RTL4: variants seen among roughly 807,000 people sequenced by gnomAD.
RTL4 encodes retrotransposon Gag like 4.
Under a neutral mutation model 5.3 loss-of-function variants are expected in RTL4, and 4 were observed. The observed-to-expected ratio is 0.75, with a 90% confidence interval of 0.37 to 1.72. RTL4 has a LOEUF of 1.72. Among genes scored for constraint, RTL4 ranks in the 40% most tolerant of loss-of-function variants. The pLI is 0.04. For synonymous variants in RTL4, 98 were observed against 87.3 expected (o/e 1.12, Z -0.68); for missense variants, 260 against 227.1 (o/e 1.14, Z -0.93).
the RTL4 span, among the ~76,000 whole-genome samples, chrX:112,204,233 A>G: frequency 2.7e-5 from 3 of 112,469 alleles, no homozygotes; most frequent in African/African-American, 9.7e-5. Flanking sequence ...GTGGGAATGT[A>G]CAACCACTAT....
At chrX:112,433,207 C>T in the RTL4 span, among the ~76,000 whole-genome samples, 11 of 111,024 alleles carry the variant, frequency 9.9e-5, no homozygotes, top group African/African-American at 2.6e-4. Context: ...ATTGACTTGG[C>T]GATGCGGGCT....
At chrX:112,366,440 C>A in the RTL4 span, among the ~76,000 whole-genome samples, 3 of 111,411 alleles carry the variant, frequency 2.7e-5, no homozygotes, top group African/African-American at 9.8e-5. Context: ...GCCCCAGTCC[C>A]CTCCCTGCCT....
At chrX:112,153,846 G>A in the RTL4 span, among the ~76,000 whole-genome samples, 354 of 111,184 alleles carry the variant, frequency 3.2e-3, no homozygotes, top group African/African-American at 0.011. Flanking sequence ...AGTTAATTGA[G>A]CTTTTTAGAT....
chrX:112,379,241 G>A, the RTL4 span, among the ~76,000 whole-genome samples: 3 of 112,041 alleles, frequency 2.7e-5, no homozygotes, highest in Non-Finnish European at 5.6e-5. Flanking sequence ...TATCCTATGA[G>A]AATGAAGTGC....
the RTL4 span, among the ~76,000 whole-genome samples, chrX:112,203,834 TAAAAC>T: frequency 8.9e-6 from 1 of 112,369 alleles, no homozygotes. Context: ...AAACACAAAA[TAAAAC>T]AATTCAGGGA....
chrX:112,173,004 TG>T, the RTL4 span, among the ~76,000 whole-genome samples: 7 of 26,056 alleles, frequency 2.7e-4, no homozygotes, highest in East Asian at 8.3e-3. Context: ...TGGGGCCTGT[TG>T]GGGGGGTCGG....
chrX:112,201,973 T>TGTGTGTGTG, the RTL4 span, among the ~76,000 whole-genome samples: 2 of 103,400 alleles, frequency 1.9e-5, no homozygotes, highest in Non-Finnish European at 4.0e-5. Flanking sequence ...TTGTGTGTGT[T>TGTGTGTGTG]TGTGTGTGTG....
At chrX:112,399,890 G>A in the RTL4 span, among the ~76,000 whole-genome samples, 1 of 111,156 alleles carries the variant, frequency 9.0e-6, no homozygotes, top group Admixed American at 9.6e-5. Context: ...TAGTTTGACA[G>A]GTTATTTCAT....
the RTL4 span, among the ~76,000 whole-genome samples, chrX:112,420,349 T>C: frequency 1.8e-5 from 2 of 111,445 alleles, no homozygotes; most frequent in African/African-American, 6.5e-5. Flanking sequence ...AGCCCCTCCT[T>C]CTAACTCATT....
the RTL4 span, among the ~76,000 whole-genome samples, chrX:112,305,432 G>A: frequency 3.7e-5 from 4 of 108,242 alleles, no homozygotes; most frequent in African/African-American, 6.8e-5. Context: ...GTGCCATCTC[G>A]GCTCACTGCA....
chrX:112,455,756 C>A, exon 1 of RTL4: 1 of 846,700 alleles, frequency 1.2e-6, no homozygotes, highest in Non-Finnish European at 1.6e-6. Flanking sequence ...GGAACTGTGA[C>A]ACCACTTTAT....
At chrX:112,129,676 G>A in the RTL4 span, among the ~76,000 whole-genome samples, 1 of 111,730 alleles carries the variant, frequency 9.0e-6, no homozygotes, top group East Asian at 2.8e-4. Flanking sequence ...GCAAGAAAGA[G>A]GCATCCAGAT....
the RTL4 span, among the ~76,000 whole-genome samples, chrX:112,090,796 T>A: frequency 5.4e-5 from 6 of 111,016 alleles, no homozygotes; most frequent in African/African-American, 2.0e-4. Flanking sequence ...CCTATTAAAA[T>A]TTTTTTAGAA....
chrX:112,169,082 TCTTTTCTTTC>T, the RTL4 span, among the ~76,000 whole-genome samples: 4,288 of 44,513 alleles, frequency 0.096, 178 homozygotes, highest in East Asian at 0.16. Flanking sequence ...TTTCTTTCTT[TCTTTTCTTTC>T]TTTCTTTCTT....
chrX:112,298,009 T>C, the RTL4 span, among the ~76,000 whole-genome samples: 1 of 111,416 alleles, frequency 9.0e-6, no homozygotes, highest in African/African-American at 3.3e-5. Flanking sequence ...AGAAACATGC[T>C]TATTGGTTGG....
chrX:112,321,921 T>C, the RTL4 span, among the ~76,000 whole-genome samples: 1,649 of 112,024 alleles, frequency 0.015, 22 homozygotes, highest in African/African-American at 0.05. Flanking sequence ...ATGTACCCCA[T>C]ACATTTGTAC....
At chrX:112,179,106 G>A in the RTL4 span, among the ~76,000 whole-genome samples, 1 of 111,601 alleles carries the variant, frequency 9.0e-6, no homozygotes, top group Non-Finnish European at 1.9e-5. Flanking sequence ...CACATTACAG[G>A]AGGTAAAAAG....
chrX:112,105,266 C>T, the RTL4 span, among the ~76,000 whole-genome samples: 1 of 111,558 alleles, frequency 9.0e-6, no homozygotes, highest in Admixed American at 9.6e-5. Flanking sequence ...TATGCCAGTA[C>T]CATATTGTTT....
chrX:112,126,274 G>T, the RTL4 span, among the ~76,000 whole-genome samples: 1 of 112,125 alleles, frequency 8.9e-6, no homozygotes, highest in African/African-American at 3.2e-5. Flanking sequence ...TTGAAGAAAA[G>T]AATGTAATTT....
Sources: allele counts gnomAD v4.1 joint callset (sites outside exome capture counted in the v4.1 genomes callset), GRCh38; gene constraint gnomAD v4.1.1; transcripts MANE v1.5; gene names NCBI Gene and HGNC (gene_info 2026-07-23, HGNC 2026-07-21).